NFIB: variants seen among roughly 807,000 people sequenced by gnomAD.
The protein encoded by NFIB is nuclear factor I B.
Under a neutral mutation model 61.5 loss-of-function variants are expected in NFIB, and 11 were observed. That is an observed-to-expected ratio of 0.18 (90% confidence interval 0.11 to 0.30). The LOEUF (loss-of-function observed/expected upper bound fraction) is 0.30. Ranked by LOEUF, NFIB falls within the 10% of genes least tolerant of loss-of-function variation. The pLI is 1.00. For missense variants in NFIB, 471 were observed against 608.9 expected (o/e 0.77, Z 2.38); for synonymous variants, 260 against 216.5 (o/e 1.20, Z -1.76).
chr9:14,365,218 G>A (rs1196498475), intron 1 of NFIB, among the ~76,000 whole-genome samples: 4 of 152,190 alleles, frequency 2.6e-5, no homozygotes, highest in Non-Finnish European at 5.9e-5. Context: ...CGAGACCACC[G>A]TTTATGTTTG....
chr9:14,220,114 G>A (rs2051461690), intron 2 of NFIB, among the ~76,000 whole-genome samples: 1 of 152,180 alleles, frequency 6.6e-6, no homozygotes, highest in South Asian at 2.1e-4. Flanking sequence ...GTGGTCTGAT[G>A]GGCTCGTCCA....
the NFIB span, among the ~76,000 whole-genome samples, chr9:14,466,413 T>C: frequency 6.6e-6 from 1 of 152,020 alleles, no homozygotes; most frequent in Non-Finnish European, 1.5e-5. Flanking sequence ...GGTGTGCAGA[T>C]GGAAGGTCTA....
intron 2 of NFIB, among the ~76,000 whole-genome samples, chr9:14,231,331 A>C (rs1433407583): frequency 6.6e-6 from 1 of 151,692 alleles, no homozygotes; most frequent in Non-Finnish European, 1.5e-5. Context: ...GGAAAGGCAG[A>C]GAGAGGGAGA....
chr9:14,329,653 TA>T (rs1429849748), intron 1 of NFIB, among the ~76,000 whole-genome samples: 6 of 151,924 alleles, frequency 3.9e-5, no homozygotes, highest in Admixed American at 3.9e-4. Flanking sequence ...CAGCTGAGAC[TA>T]CAGGTGCGTA....
chr9:14,381,027 T>C (rs2061482053), intron 1 of NFIB, among the ~76,000 whole-genome samples: 1 of 128,458 alleles, frequency 7.8e-6, no homozygotes, highest in Admixed American at 1.0e-4. Context: ...TGAGCCGAGA[T>C]CGCGCCACTG....
At chr9:14,242,261 G>A (rs1411143047) in intron 2 of NFIB, among the ~76,000 whole-genome samples, 4 of 152,178 alleles carry the variant, frequency 2.6e-5, no homozygotes, top group Admixed American at 2.6e-4. Context: ...ATATGCATGA[G>A]TATTAAAAAA....
the NFIB span, among the ~76,000 whole-genome samples, chr9:14,480,821 G>GT: frequency 6.6e-6 from 1 of 152,074 alleles, no homozygotes; most frequent in East Asian, 1.9e-4. Context: ...TAGACATCCT[G>GT]GTGCCTTTAA....
In NFIB at chr9:14,084,297, T is replaced by TA. The variant is rs538322976; in HGVS notation, c.*4011dup. The TA allele has an allele frequency of 9.7e-5, 20 of 205,666 alleles. 1 individual carries two copies. In the South Asian group the frequency reaches 2.5e-3, roughly 25 times the overall value. The allele number at this position is 205,666 out of a possible 1,614,324, so 12.7% of individuals were successfully genotyped here. A position where few individuals can be genotyped will look rare whatever the true frequency, so the allele number is the denominator to read the frequency against. On this transcript the variant is annotated 3_prime_UTR_variant, in exon 11 of 11. Coordinates refer to ENST00000380953, the MANE Select transcript of NFIB (RefSeq NM_001190737.2). ...CTTTACAAACATGGGAATTTTAATTTAAAAAAAATTCTTAACAAAACTATA... is the reference window on the plus strand; with the variant it reads ...CTTTACAAACATGGGAATTTTAATTTAAAAAAAAATTCTTAACAAAACTATA...
At chr9:14,349,267 C>G (rs1221421996) in intron 1 of NFIB, among the ~76,000 whole-genome samples, 1 of 152,096 alleles carries the variant, frequency 6.6e-6, no homozygotes, top group African/African-American at 2.4e-5. Context: ...AAGGACAGTT[C>G]AGGCTGGGCC....
At chr9:14,462,246 C>A in the NFIB span, among the ~76,000 whole-genome samples, 1 of 152,014 alleles carries the variant, frequency 6.6e-6, no homozygotes, top group Non-Finnish European at 1.5e-5. Flanking sequence ...TGTGCTGAAT[C>A]ACGGTATGGT....
At chr9:14,425,699 T>C in the NFIB span, among the ~76,000 whole-genome samples, 1 of 151,004 alleles carries the variant, frequency 6.6e-6, no homozygotes. Flanking sequence ...AACTGCAGGA[T>C]TGCCACAGCA....
At chr9:14,143,636 T>C (rs1346344622) in intron 6 of NFIB, among the ~76,000 whole-genome samples, 2 of 152,200 alleles carry the variant, frequency 1.3e-5, no homozygotes, top group African/African-American at 4.8e-5. Flanking sequence ...TAAATAGTTA[T>C]TGAGTATCAA....
chr9:14,327,525 A>G (rs974658042), intron 1 of NFIB, among the ~76,000 whole-genome samples: 3 of 152,216 alleles, frequency 2.0e-5, no homozygotes, highest in Admixed American at 2.0e-4. Context: ...GGGTGCTGCC[A>G]TACAAGTATA....
At chr9:14,217,660 C>CAAAAAAAAAAAAAAAAAAAAA (rs34055171) in intron 2 of NFIB, among the ~76,000 whole-genome samples, 60 of 81,494 alleles carry the variant, frequency 7.4e-4, no homozygotes, top group East Asian at 4.4e-3. Context: ...AACTCCATCT[C>CAAAAAAAAAAAAAAAAAAAAA]AAAAAAAAAA....
chr9:14,502,120 T>G, the NFIB span, among the ~76,000 whole-genome samples: 1 of 152,144 alleles, frequency 6.6e-6, no homozygotes. Context: ...AATTGTGAGT[T>G]TTAGAAAGGA....
At chr9:14,203,563 G>A (rs1458706778) in intron 2 of NFIB, among the ~76,000 whole-genome samples, 1 of 151,728 alleles carries the variant, frequency 6.6e-6, no homozygotes, top group Non-Finnish European at 1.5e-5. Context: ...GCAGTTTTTG[G>A]CAGCCAGGAG....
chr9:14,518,257 T>G, the NFIB span, among the ~76,000 whole-genome samples: 2 of 152,148 alleles, frequency 1.3e-5, no homozygotes, highest in Non-Finnish European at 2.9e-5. Context: ...GCCCTGTGTT[T>G]TGGGGCAAAG....
chr9:14,347,588 G>GGGGAGAAGGGAGAAGGGAGAAGGGAGAA (rs71321982), intron 1 of NFIB, among the ~76,000 whole-genome samples: 2 of 151,274 alleles, frequency 1.3e-5, no homozygotes, highest in Admixed American at 1.3e-4. Flanking sequence ...GATTGGGAGA[G>GGGGAGAAGGGAGAAGGGAGAAGGGAGAA]GGGAGAAGGG....
chr9:14,485,545 C>G, the NFIB span, among the ~76,000 whole-genome samples: 1 of 152,192 alleles, frequency 6.6e-6, no homozygotes, highest in African/African-American at 2.4e-5. Flanking sequence ...AAATTCCAGA[C>G]ACTGCTAGGA....
Sources: allele counts gnomAD v4.1 joint callset (sites outside exome capture counted in the v4.1 genomes callset), GRCh38; gene constraint gnomAD v4.1.1; transcripts MANE v1.5; gene names NCBI Gene and HGNC (gene_info 2026-07-23, HGNC 2026-07-21).